TTYH2: variants seen among roughly 807,000 people sequenced by gnomAD.
The protein encoded by TTYH2 is protein tweety homolog 2.
Under a neutral mutation model 68.3 loss-of-function variants are expected in TTYH2, and 49 were observed. The observed-to-expected ratio is 0.72, with a 90% confidence interval of 0.57 to 0.91. TTYH2 has a LOEUF of 0.91. Ranked by LOEUF, TTYH2 falls within the 40% of genes least tolerant of loss-of-function variation. The pLI is 0.00. For synonymous variants in TTYH2, 272 were observed against 300.8 expected (o/e 0.90, Z 0.99); for missense variants, 631 against 700.4 (o/e 0.90, Z 1.12).
chr17:74,243,844 C>T, intron 5 of TTYH2, 133 bp from the exon 6 acceptor site: 1 of 792,072 alleles, frequency 1.3e-6, no homozygotes, highest in Non-Finnish European at 2.0e-6. Context: ...TAGTAGTGAG[C>T]AGGGCCCACG....
intron 13 of TTYH2, among the ~76,000 whole-genome samples, chr17:74,259,869 G>A (rs1026453606): frequency 2.0e-5 from 3 of 152,318 alleles, no homozygotes; most frequent in East Asian, 3.9e-4. Flanking sequence ...GGACCCTGAC[G>A]CTGCCCCCAG....
chr17:74,230,172 G>T (rs1327221640), intron 2 of TTYH2, among the ~76,000 whole-genome samples: 4 of 151,912 alleles, frequency 2.6e-5, no homozygotes, highest in Admixed American at 6.6e-5. Flanking sequence ...AGGGGAGGGG[G>T]TACTTAATGG....
intron 7 of TTYH2, 65 bp from the exon 8 acceptor site, chr17:74,249,279 C>G: frequency 6.2e-7 from 1 of 1,607,062 alleles, no homozygotes; most frequent in Non-Finnish European, 8.5e-7. Context: ...GCTTGGCCAC[C>G]AAGGATGATA....
At chr17:74,259,290 A>G (rs1381161292) in intron 13 of TTYH2, among the ~76,000 whole-genome samples, 1 of 151,676 alleles carries the variant, frequency 6.6e-6, no homozygotes, top group Non-Finnish European at 1.5e-5. Flanking sequence ...GCTTGCTGCA[A>G]CCTCCACCTC....
At chr17:74,255,787 C>G (rs2050687864) in intron 13 of TTYH2, among the ~76,000 whole-genome samples, 1 of 152,228 alleles carries the variant, frequency 6.6e-6, no homozygotes. Context: ...GGCCAGAAGT[C>G]TGCCATGGGG....
At chr17:74,238,234 C>T (rs1299740873) in intron 4 of TTYH2, among the ~76,000 whole-genome samples, 1 of 152,174 alleles carries the variant, frequency 6.6e-6, no homozygotes, top group East Asian at 1.9e-4. Flanking sequence ...TCCACAGACA[C>T]AGCCACAGGG....
Position 74,252,364 on chromosome 17 carries a change from A to C in TTYH2, c.1247A>C (p.His416Pro), listed in dbSNP as rs756535841. The C allele has an allele frequency of 6.2e-7, 1 of 1,613,584 alleles. No homozygotes were observed. The highest frequency in any genetic ancestry group is 1.1e-5 in the South Asian group (1 of 91,082). The change falls in exon 11 of 14, where the codon CAC (histidine) becomes CCC (proline). Residue 416 changes from histidine to proline, a missense_variant. By Grantham distance (77) the His-to-Pro change is moderately conservative. Coordinates refer to ENST00000269346, the MANE Select transcript of TTYH2 (RefSeq NM_032646.6). Reference sequence around the variant, plus strand: ...TGTGCAGGGCCAAGGGCCTGGAAGCACTTCACCACCAGGTGGGCTGCCTAG... The same window carrying C: ...TGTGCAGGGCCAAGGGCCTGGAAGCCCTTCACCACCAGGTGGGCTGCCTAG... ...MICAGPRAWK[H>P]FTTRNRDYDD...
intron 10 of TTYH2, 51 bp from the exon 11 acceptor site, chr17:74,252,183 A>C (rs747333129): frequency 6.2e-7 from 1 of 1,603,798 alleles, no homozygotes; most frequent in South Asian, 1.1e-5. Flanking sequence ...CTCGGCCCGC[A>C]GGCTTTGCCC....
chr17:74,237,768 C>G (rs1407503667), intron 4 of TTYH2, among the ~76,000 whole-genome samples: 1 of 152,012 alleles, frequency 6.6e-6, no homozygotes, highest in Non-Finnish European at 1.5e-5. Context: ...GTAGCTGGGA[C>G]TACAGGTGTG....
At chr17:74,218,726 G>A (rs1408313211) in intron 1 of TTYH2, among the ~76,000 whole-genome samples, 1 of 152,160 alleles carries the variant, frequency 6.6e-6, no homozygotes, top group Non-Finnish European at 1.5e-5. Flanking sequence ...GGGGGAGCAG[G>A]CTACATCACC....
intron 4 of TTYH2, chr17:74,240,701 A>G (rs2050491046): frequency 6.6e-6 from 1 of 152,244 alleles, no homozygotes. Flanking sequence ...ATAAAAAGCC[A>G]AGGGGCTCCT....
chr17:74,244,211 C>A, intron 6 of TTYH2, 162 bp downstream of exon 6: 1 of 652,664 alleles, frequency 1.5e-6, no homozygotes, highest in Non-Finnish European at 2.6e-6. Context: ...CCTCTCGTTA[C>A]AGATGGGGAA....
chr17:74,223,126 A>G (rs1218534837), intron 2 of TTYH2, among the ~76,000 whole-genome samples: 2 of 152,032 alleles, frequency 1.3e-5, no homozygotes, highest in Non-Finnish European at 1.5e-5. Flanking sequence ...TATTTATTTT[A>G]AAGATGGGGT....
At chr17:74,219,215 CAAA>C (rs567646208) in intron 1 of TTYH2, among the ~76,000 whole-genome samples, 1 of 131,260 alleles carries the variant, frequency 7.6e-6, no homozygotes, top group Non-Finnish European at 1.6e-5. Context: ...GACTCCGTCT[CAAA>C]AAAAAAAAAA....
intron 10 of TTYH2, 199 bp downstream of exon 10, chr17:74,250,556 G>C: frequency 1.8e-6 from 1 of 570,284 alleles, no homozygotes; most frequent in Non-Finnish European, 3.1e-6. Context: ...CTCAGTACAA[G>C]GGACCAGGGG....
At chr17:74,256,404 C>T (rs970202251) in intron 13 of TTYH2, among the ~76,000 whole-genome samples, 2 of 152,064 alleles carry the variant, frequency 1.3e-5, no homozygotes, top group African/African-American at 4.8e-5. Context: ...GGTTATGGGG[C>T]CTGTCCTCTG....
intron 5 of TTYH2, 107 bp downstream of exon 5, chr17:74,243,576 C>A: frequency 8.5e-7 from 1 of 1,180,788 alleles, no homozygotes; most frequent in Non-Finnish European, 1.2e-6. Flanking sequence ...AATAGCCAGG[C>A]TGCCTGAGGC....
intron 6 of TTYH2, among the ~76,000 whole-genome samples, chr17:74,245,471 C>T (rs976926921): frequency 5.3e-5 from 8 of 152,248 alleles, no homozygotes; most frequent in East Asian, 1.9e-4. Flanking sequence ...CTGGAGGCAG[C>T]GGTGGCTTCC....
chr17:74,217,503 C>T lies in TTYH2; in HGVS notation c.129+3787C>T, dbSNP rs1390732810. Among the ~76,000 whole-genome samples, 3 of 152,168 alleles carry T rather than the reference C, an allele frequency of 2.0e-5. No homozygotes were observed. The highest frequency in any genetic ancestry group is 7.2e-5 in the African/African-American group (3 of 41,430). ...AAGAAGGACCAGGCAGCAAGCCCAT[C>T]CCAGCCGAGATCTGAGAAGAGCTGA... On this transcript the variant is annotated intron_variant, in intron 1 of 13. Coordinates refer to ENST00000269346, the MANE Select transcript of TTYH2 (RefSeq NM_032646.6). This position sits in a 1 kb window ranked among gnomAD's most constrained non-coding sequence, Gnocchi z 4.0.
Sources: gnomAD v4.1 joint callset for allele counts (sites outside exome capture counted in the v4.1 genomes callset) on GRCh38, gnomAD v4.1.1 for gene constraint, Gnocchi (gnomAD v3.1) non-coding constraint, MANE v1.5 for transcripts, NCBI Gene and HGNC (gene_info 2026-07-23, HGNC 2026-07-21) for gene names.